The following TRPM6 variants were observed in gnomAD, a reference collection of about 807,000 sequenced individuals.
The protein encoded by TRPM6 is channel kinase 2.
Under a neutral mutation model 247.6 loss-of-function variants are expected in TRPM6, and 111 were observed. That is an observed-to-expected ratio of 0.45 (90% CI 0.38 to 0.52). The LOEUF (loss-of-function observed/expected upper bound fraction) is 0.52. TRPM6 is among the 20% of genes least tolerant of loss of function. The pLI is 0.00. For synonymous variants in TRPM6, 892 were observed against 853.8 expected (o/e 1.04, Z -0.78); for missense variants, 2,126 against 2,421.5 (o/e 0.88, Z 2.56).
intron 1 of TRPM6, chr9:74,887,289 G>T: frequency 7.4e-7 from 1 of 1,355,278 alleles, no homozygotes; most frequent in Non-Finnish European, 9.5e-7. Context: ...GGCGCACGGG[G>T]ACGCGCAGGG....
At chr9:74,739,494 A>G in intron 34 of TRPM6, 45 bp from the exon 35 acceptor site, 1 of 1,583,718 alleles carries the variant, frequency 6.3e-7, no homozygotes, top group Middle Eastern at 1.7e-4. Flanking sequence ...TTACTGTTGT[A>G]CAGCTATGAT....
In TRPM6 at chr9:74,762,941, A is replaced by G; in HGVS notation, c.3730T>C (p.Ser1244Pro). ...CTGTGGGGAAGTTTTTTGCAAGTAGAATGCTTTCTCTTGGCCAGGAGAGCC... is the reference window on the plus strand; with the variant it reads ...CTGTGGGGAAGTTTTTTGCAAGTAGGATGCTTTCTCTTGGCCAGGAGAGCC... ...DEALLAKRKHSTCKKLPHSWS... is the reference protein window; with the variant it reads ...DEALLAKRKHPTCKKLPHSWS... Residue 1244 changes from serine (S) to proline (P), a missense_variant, in exon 26 of 39, where the codon TCT (serine) becomes CCT (proline). Ser to Pro is a moderately conservative substitution (Grantham distance 74). Around this residue, in one of 3 missense-constraint regions of TRPM6, gnomAD observed 717 missense variants for 715.9 expected, o/e 1.00. Transcript: ENST00000360774. 6.2e-7 allele frequency: 1 copy of G among 1,606,540 alleles called. No individual in the cohort carries two copies. Among genetic ancestry groups the G allele is most frequent in the Non-Finnish European group, 8.5e-7 (1 of 1,175,178 alleles).
At chr9:74,727,253 G>A (rs1825361490) in intron 38 of TRPM6, among the ~76,000 whole-genome samples, 1 of 151,954 alleles carries the variant, frequency 6.6e-6, no homozygotes, top group African/African-American at 2.4e-5. Flanking sequence ...ATGGTGGTGA[G>A]CACTTGTAAT....
intron 28 of TRPM6, among the ~76,000 whole-genome samples, chr9:74,753,581 A>G (rs1308510141): frequency 2.0e-5 from 3 of 152,128 alleles, no homozygotes; most frequent in African/African-American, 7.2e-5. Flanking sequence ...CTATAGTCCC[A>G]GCTACTCGGG....
At position 74,827,766 on chromosome 9, in the gene TRPM6, T is replaced by C. The variant is rs1245413714; in HGVS notation, c.841+12A>G. The C allele has an allele frequency of 6.2e-7, 1 of 1,613,874 alleles. No individual in the cohort carries two copies. The highest frequency in any genetic ancestry group is 1.3e-5 in the African/African-American group (1 of 74,902). On this transcript the variant is annotated intron_variant, in intron 7 of 38. Coordinates refer to ENST00000360774, the MANE Select transcript of TRPM6 (RefSeq NM_017662.5). ...CAACCAGACTGGGTGACTGAGCCCC[T>C]GTGATACTCACGGCAGTGTATTTTC...
rs570324704 is a variant in TRPM6, at chr9:74,868,361, G to A, written c.34-9613C>T. 9.9e-5 allele frequency among the ~76,000 whole-genome samples: 15 copies of A among 151,966 alleles called. No individual in the cohort carries two copies. The South Asian group carries it at 3.1e-3, about 32-fold the overall frequency. ...AATACAAAAATTAGCTGGGCATGGT[G>A]GTGCATGCCTGTAATCCCAGCTACT... On this transcript the variant is annotated intron_variant, in intron 1 of 38. Transcript: ENST00000360774.
At chr9:74,850,405 T>C (rs1393270012) in intron 3 of TRPM6, among the ~76,000 whole-genome samples, 3 of 149,300 alleles carry the variant, frequency 2.0e-5, no homozygotes. Flanking sequence ...GCGCAGGTGA[T>C]GAAAACTTCT....
chr9:74,777,728 T>C (rs1164582221), intron 23 of TRPM6, among the ~76,000 whole-genome samples: 1 of 152,176 alleles, frequency 6.6e-6, no homozygotes, highest in Non-Finnish European at 1.5e-5. Flanking sequence ...GGTCTCACTG[T>C]GGCACCTTCT....
intron 27 of TRPM6, among the ~76,000 whole-genome samples, chr9:74,757,507 A>T (rs1179251716): frequency 1.4e-5 from 2 of 147,370 alleles, no homozygotes; most frequent in Admixed American, 1.4e-4. Flanking sequence ...TAGAGTTTGC[A>T]GTGAGCTGAG....
chr9:74,776,211 G>T, intron 23 of TRPM6, 135 bp from the exon 24 acceptor site: 1 of 765,032 alleles, frequency 1.3e-6, no homozygotes, highest in East Asian at 2.6e-5. Context: ...CTATCCACGT[G>T]TTTACAATTC....
chr9:74,800,356 C>T lies in TRPM6; in HGVS notation c.2136G>A (p.Val712=). 6.2e-7 allele frequency: 1 copy of T among 1,614,088 alleles called. No individual in the cohort carries two copies. The highest frequency in any genetic ancestry group is 8.5e-7 in the Non-Finnish European group (1 of 1,180,014). ...WSNSTCLKLA[V]SGGLRPFVSH... is the part of the protein sequence containing the mutation. ...AAACAAAGGGTCGTAATCCTCCCGA[C>T]ACGGCCAGTTTAAGGCAGGTCGAAT... Residue 712 remains valine (V), a synonymous_variant, in exon 17 of 39, where the codon GTG becomes GTA. Coordinates refer to ENST00000360774, the MANE Select transcript of TRPM6 (RefSeq NM_017662.5).
At chr9:74,755,747 T>A (rs1486094229) in intron 27 of TRPM6, among the ~76,000 whole-genome samples, 3 of 152,130 alleles carry the variant, frequency 2.0e-5, no homozygotes, top group African/African-American at 7.2e-5. Flanking sequence ...TGGGGGCTGG[T>A]TTAAGCCACA....
intron 25 of TRPM6, among the ~76,000 whole-genome samples, chr9:74,763,426 ATTCC>A (rs1240164073): frequency 6.6e-6 from 1 of 152,166 alleles, no homozygotes; most frequent in Non-Finnish European, 1.5e-5. Flanking sequence ...CCAGCTAATG[ATTCC>A]TTCAATTGTG....
intron 3 of TRPM6, among the ~76,000 whole-genome samples, chr9:74,848,455 T>C (rs1336236290): frequency 2.0e-5 from 3 of 152,192 alleles, no homozygotes; most frequent in African/African-American, 7.2e-5. Flanking sequence ...AGAGATTTTA[T>C]CATGCCACTC....
intron 7 of TRPM6, 182 bp downstream of exon 7, chr9:74,827,596 G>T: frequency 1.4e-6 from 1 of 713,684 alleles, no homozygotes. Context: ...GTGTCATTTG[G>T]ATTGGATACA....
At chr9:74,834,530 T>C (rs993291658) in intron 5 of TRPM6, among the ~76,000 whole-genome samples, 2 of 152,036 alleles carry the variant, frequency 1.3e-5, no homozygotes, top group Non-Finnish European at 2.9e-5. Flanking sequence ...TTGTTACATA[T>C]GTATACATGT....
intron 14 of TRPM6, among the ~76,000 whole-genome samples, chr9:74,805,847 CAA>C (rs1182602755): frequency 6.6e-6 from 1 of 151,874 alleles, no homozygotes; most frequent in Admixed American, 6.6e-5. Flanking sequence ...ACAGAAAACA[CAA>C]AGAGTCAAAT....
chr9:74,771,822 A>G lies in TRPM6; in HGVS notation c.3417T>C (p.Ser1139=). Residue 1139 remains serine (S), a synonymous_variant, in exon 25 of 39, where the codon AGT becomes AGC. Coordinates refer to ENST00000360774, the MANE Select transcript of TRPM6 (RefSeq NM_017662.5). ...CATGAAGTTTTTTCAGATCCTCCTT[A>G]CTGAGGTAGAGTTCTATAGAAATAA... ...EGDVGLKLYL[S]KEDLKKLHDF... 6.2e-7 allele frequency: 1 copy of G among 1,613,612 alleles called. No individual in the cohort carries two copies.
At chr9:74,817,275 C>A (rs1305396998) in intron 9 of TRPM6, among the ~76,000 whole-genome samples, 4 of 152,234 alleles carry the variant, frequency 2.6e-5, no homozygotes, top group Non-Finnish European at 4.4e-5. Context: ...TAAATAAAAT[C>A]ATGTCTCCTT....
Sources: allele counts gnomAD v4.1 joint callset (sites outside exome capture counted in the v4.1 genomes callset), GRCh38; gene constraint gnomAD v4.1.1; regional missense constraint gnomAD v4.1.1; transcripts MANE v1.5; gene names NCBI Gene and HGNC (gene_info 2026-07-23, HGNC 2026-07-21).